Variants in DYRK4 observed in about 807,000 individuals in gnomAD.
The protein encoded by DYRK4 is dual specificity tyrosine-phosphorylation-regulated kinase 4.
DYRK4 carries 64 observed loss-of-function variants against 68.3 expected under a neutral mutation model. That is an observed-to-expected ratio of 0.94 (90% CI 0.77 to 1.15). The LOEUF (loss-of-function observed/expected upper bound fraction) is 1.15, where lower values mean the gene tolerates loss of function less well. Ranked by LOEUF, DYRK4 falls within the 50% of genes most tolerant of loss-of-function variation. The pLI is 0.00. For missense variants in DYRK4, 740 were observed against 764.7 expected, an observed-to-expected ratio of 0.97 and a Z score of 0.38; for synonymous variants, 274 against 289.9, an observed-to-expected ratio of 0.95 and a Z score of 0.56.
chr12:4,587,374 T>C (rs540087381), intron 2 of DYRK4, among the ~76,000 whole-genome samples: 19 of 152,320 alleles, frequency 1.2e-4, no homozygotes, highest in African/African-American at 4.3e-4. Flanking sequence ...GCCGATTGCA[T>C]TCACAGTGAT....
At chr12:4,588,526 T>C (rs998138508) in intron 2 of DYRK4, among the ~76,000 whole-genome samples, 3 of 152,106 alleles carry the variant, frequency 2.0e-5, no homozygotes, top group African/African-American at 7.2e-5. Flanking sequence ...ACTGGGTGGG[T>C]TCCACTATGC....
chr12:4,562,646 C>T (rs1343510787), intron 1 of DYRK4, among the ~76,000 whole-genome samples: 5 of 152,232 alleles, frequency 3.3e-5, no homozygotes, highest in African/African-American at 1.2e-4. Context: ...TTCTTCCTCC[C>T]TTTCTTTCTC....
At chr12:4,606,204 A>G (rs984113471) in intron 11 of DYRK4, among the ~76,000 whole-genome samples, 1 of 152,232 alleles carries the variant, frequency 6.6e-6, no homozygotes, top group African/African-American at 2.4e-5. Flanking sequence ...ATAGAAAAAT[A>G]ACTTTAAAAA....
intron 10 of DYRK4, 151 bp from the exon 11 acceptor site, chr12:4,604,763 A>G: frequency 1.2e-6 from 1 of 817,560 alleles, no homozygotes; most frequent in Non-Finnish European, 1.7e-6. Flanking sequence ...TGATGCTGTG[A>G]TGGTGTAATG....
At chr12:4,594,811 A>G (rs1046230089) in intron 6 of DYRK4, among the ~76,000 whole-genome samples, 2 of 152,096 alleles carry the variant, frequency 1.3e-5, no homozygotes, top group South Asian at 4.1e-4. Context: ...ACACACACAA[A>G]TACATACTGC....
intron 12 of DYRK4, among the ~76,000 whole-genome samples, chr12:4,608,422 C>G (rs1444194013): frequency 2.0e-5 from 3 of 152,162 alleles, no homozygotes; most frequent in African/African-American, 7.2e-5. Context: ...CTGTTCACAA[C>G]TTGCTCCATC....
chr12:4,599,085 A>C lies in DYRK4; in HGVS notation c.963A>C (p.Ile321=). 6.2e-7 allele frequency: 1 copy of C among 1,614,058 alleles called. No homozygotes were observed. The highest frequency in any genetic ancestry group is 1.1e-5 in the South Asian group (1 of 91,072). ...ACTTTCAAGGCTTCAGTCTGTCCATAGTTCGGCGCTTCACTCTCTCTGTTT... is the reference window on the plus strand; with the variant it reads ...ACTTTCAAGGCTTCAGTCTGTCCATCGTTCGGCGCTTCACTCTCTCTGTTT... ...NNNFQGFSLS[I]VRRFTLSVLK... The change falls in exon 9 of 15, where the codon ATA becomes ATC. Residue 321 remains isoleucine, a synonymous_variant. Transcript: ENST00000543431.
At chr12:4,581,245 G>A (rs1591791591) in intron 2 of DYRK4, among the ~76,000 whole-genome samples, 1 of 152,166 alleles carries the variant, frequency 6.6e-6, no homozygotes, top group Admixed American at 6.5e-5. Context: ...AGACACTGAA[G>A]TGGGACATGG....
At chr12:4,573,651 T>G (rs1057148883) in intron 2 of DYRK4, among the ~76,000 whole-genome samples, 14 of 152,258 alleles carry the variant, frequency 9.2e-5, no homozygotes, top group African/African-American at 3.1e-4. Flanking sequence ...TAGCAGTGTT[T>G]GTTTGCTTCT....
At chr12:4,613,873 CTA>C in exon 15 of DYRK4, 1 of 1,270,038 alleles carries the variant, frequency 7.9e-7, no homozygotes, top group Non-Finnish European at 1.0e-6. The surrounding 1 kb of genome is among the most constrained non-coding windows in gnomAD (Gnocchi z 4.0). Flanking sequence ...TTAAAAAACT[CTA>C]TTAACATGGC....
intron 11 of DYRK4, among the ~76,000 whole-genome samples, chr12:4,605,963 C>T (rs1367457735): frequency 6.6e-6 from 1 of 151,898 alleles, no homozygotes; most frequent in Admixed American, 6.6e-5. Flanking sequence ...TGTTTACCAG[C>T]CTGTCAGCTG....
intron 2 of DYRK4, among the ~76,000 whole-genome samples, chr12:4,576,753 AATAAC>A (rs1944793601): frequency 6.6e-6 from 1 of 152,218 alleles, no homozygotes; most frequent in African/African-American, 2.4e-5. Context: ...GCAATTGCCT[AATAAC>A]ATAATATTGA....
rs1196943191 is a variant in DYRK4 at position 4,607,485 on chromosome 12, G to C, written c.1360+98G>C. On this transcript the variant is annotated intron_variant, in intron 12 of 14. Transcript: ENST00000543431. ...TCTTTTCCCCTGGCCACATACCAAA[G>C]GGCTGTGATTAAGAGCGTCTTTCAG... 6.7e-6 allele frequency: 9 copies of C among 1,338,280 alleles called. No individual in the cohort carries two copies. In the South Asian group the frequency reaches 1.1e-4, roughly 16 times the overall value. 82.9% of individuals were successfully genotyped at this position (1,338,280 alleles called of 1,614,324 possible). A position where few individuals can be genotyped will look rare whatever the true frequency, so the allele number is the denominator to read the frequency against.
chr12:4,612,706 T>G lies in DYRK4; in HGVS notation c.1654T>G (p.Ser552Ala), dbSNP rs1233105292. 6.2e-7 allele frequency: 1 copy of G among 1,614,038 alleles called. No homozygotes were observed. The highest frequency in any genetic ancestry group is 1.7e-5 in the Admixed American group (1 of 60,008). Residue 552 changes from serine to alanine, a missense_variant, in exon 14 of 15, where the codon TCG becomes GCG. Coordinates refer to ENST00000543431, the MANE Select transcript of DYRK4 (RefSeq NM_001394779.1). ...GGACAAGGTTCAAGGCTGTCATCAC[T>G]CGAGCAGAAAAGGTACAGCCTGTCA... ...RKDKVQGCHH[S>A]SRKDEITKET...
In DYRK4 at chr12:4,581,128, G is replaced by A. The variant is rs969446728; in HGVS notation, c.133-7809G>A. 1.4e-4 allele frequency among the ~76,000 whole-genome samples: 21 copies of A among 152,146 alleles called. 1 individual carries two copies. Among genetic ancestry groups the A allele is most frequent in the Non-Finnish European group, 2.6e-4 (18 of 68,016 alleles). On this transcript the variant is annotated intron_variant, in intron 2 of 14. Coordinates refer to ENST00000543431, the MANE Select transcript of DYRK4 (RefSeq NM_001394779.1). ...CATAATACTCCCCTGTGGTCCTTGG[G>A]TAAACTGAGCTTGATACCCAAGGTG...
chr12:4,596,527 G>T, intron 7 of DYRK4, 62 bp from the exon 8 acceptor site: 2 of 1,580,922 alleles, frequency 1.3e-6, no homozygotes, highest in South Asian at 1.2e-5. Flanking sequence ...GCTGCAGCGG[G>T]ACCTGACACT....
At chr12:4,606,867 A>T (rs745932020) in intron 11 of DYRK4, among the ~76,000 whole-genome samples, 3 of 152,240 alleles carry the variant, frequency 2.0e-5, no homozygotes, top group Non-Finnish European at 4.4e-5. Flanking sequence ...CAGTAGGAAA[A>T]GATGAACAAG....
At chr12:4,602,255 C>T in intron 10 of DYRK4, 1 of 1,075,236 alleles carries the variant, frequency 9.3e-7, no homozygotes. Flanking sequence ...AAGACCTGCT[C>T]TCTTTTCTTT....
At chr12:4,576,134 G>A (rs758632463) in intron 2 of DYRK4, among the ~76,000 whole-genome samples, 5 of 152,140 alleles carry the variant, frequency 3.3e-5, no homozygotes, top group East Asian at 1.9e-4. Context: ...GATGATACCG[G>A]ATAGTTTCAC....
Sources: gnomAD v4.1 joint callset for allele counts (sites outside exome capture counted in the v4.1 genomes callset) on GRCh38, gnomAD v4.1.1 for gene constraint, Gnocchi (gnomAD v3.1) non-coding constraint, MANE v1.5 for transcripts, NCBI Gene and HGNC (gene_info 2026-07-23, HGNC 2026-07-21) for gene names.